ZC3H12B: variants seen among roughly 807,000 people sequenced by gnomAD.
ZC3H12B encodes the protein probable ribonuclease ZC3H12B.
ZC3H12B carries 7 observed loss-of-function variants against 43.9 expected under a neutral mutation model. The observed-to-expected ratio is 0.16, with a 90% CI of 0.09 to 0.30. ZC3H12B has a LOEUF of 0.30. ZC3H12B is among the 10% of genes least tolerant of loss of function. The pLI is 1.00. For synonymous variants in ZC3H12B, 222 were observed against 241.7 expected (o/e 0.92, Z 0.76); for missense variants, 475 against 670.2 (o/e 0.71, Z 3.22).
the ZC3H12B span, among the ~76,000 whole-genome samples, chrX:65,337,654 T>A: frequency 8.9e-6 from 1 of 112,836 alleles, no homozygotes. Flanking sequence ...TTTCAATATA[T>A]AATTTAAAAT....
the ZC3H12B span, among the ~76,000 whole-genome samples, chrX:65,220,037 TA>T: frequency 1.9e-4 from 21 of 111,225 alleles, no homozygotes; most frequent in African/African-American, 5.9e-4. Flanking sequence ...CTGAAAGGGA[TA>T]GGGGTCCGAT....
rs191579061 is a variant in ZC3H12B, at chrX:65,493,654, G to T, written c.609-3478G>T. ...AGAGAAAACAATTGCAGAGGGTGGG[G>T]CTAATGACCTATCTGCTAAGCTGAA... On this transcript the variant is annotated intron_variant, in intron 1 of 4. Transcript: ENST00000338957. 2.7e-4 allele frequency among the ~76,000 whole-genome samples: 30 copies of T among 111,467 alleles called. No individual in the cohort carries two copies. The Middle Eastern group carries it at 0.014, about 52-fold the overall frequency.
At chrX:65,232,510 A>G in the ZC3H12B span, among the ~76,000 whole-genome samples, 3 of 111,991 alleles carry the variant, frequency 2.7e-5, no homozygotes, top group African/African-American at 9.7e-5. Context: ...TTTCATTGTG[A>G]TCAAAGTTAT....
chrX:65,217,509 T>C, the ZC3H12B span, among the ~76,000 whole-genome samples: 3 of 111,880 alleles, frequency 2.7e-5, no homozygotes, highest in Non-Finnish European at 5.6e-5. Flanking sequence ...ATGTGACTTC[T>C]CGGACATGGA....
At chrX:65,490,379 GAAAAAAA>G (rs1032989325) in intron 1 of ZC3H12B, among the ~76,000 whole-genome samples, 11 of 54,996 alleles carry the variant, frequency 2.0e-4, no homozygotes, top group East Asian at 6.1e-4. Context: ...ACTGTTTCAG[GAAAAAAA>G]AAAAAAAAAA....
the ZC3H12B span, among the ~76,000 whole-genome samples, chrX:65,128,132 A>G: frequency 8.9e-6 from 1 of 112,339 alleles, no homozygotes; most frequent in Non-Finnish European, 1.9e-5. Context: ...CTATCCAAGT[A>G]GGAGCTGCAA....
At chrX:65,229,037 A>C in the ZC3H12B span, among the ~76,000 whole-genome samples, 1 of 111,055 alleles carries the variant, frequency 9.0e-6, no homozygotes, top group East Asian at 2.8e-4. Flanking sequence ...AAACTACTTT[A>C]AAGTTCATAT....
intron 3 of ZC3H12B, among the ~76,000 whole-genome samples, chrX:65,419,877 C>A (rs2066999587): frequency 9.0e-6 from 1 of 111,515 alleles, no homozygotes; most frequent in African/African-American, 3.3e-5. Context: ...CAGGCCAGTC[C>A]CAGTAGTCTC....
At chrX:65,159,974 G>A in the ZC3H12B span, among the ~76,000 whole-genome samples, 1 of 111,650 alleles carries the variant, frequency 9.0e-6, no homozygotes, top group African/African-American at 3.3e-5. Context: ...TAGCATGAAG[G>A]GCTGTTGAAT....
chrX:65,326,578 G>C, the ZC3H12B span, among the ~76,000 whole-genome samples: 1 of 109,036 alleles, frequency 9.2e-6, no homozygotes, highest in Non-Finnish European at 1.9e-5. Context: ...AAAAAAAAAA[G>C]ACCTAGTGTT....
chrX:65,410,295 C>G (rs7886005), intron 3 of ZC3H12B, among the ~76,000 whole-genome samples: 9,219 of 111,063 alleles, frequency 0.083, 1,030 homozygotes, highest in African/African-American at 0.29. Context: ...CTGCGTCTCA[C>G]CATGTACAAA....
chrX:65,423,184 G>A (rs746919313), intron 3 of ZC3H12B, among the ~76,000 whole-genome samples: 1 of 110,812 alleles, frequency 9.0e-6, no homozygotes, highest in African/African-American at 3.3e-5. Context: ...GCATGCCTCG[G>A]CCTCCCAAAG....
the ZC3H12B span, among the ~76,000 whole-genome samples, chrX:65,249,684 C>T: frequency 2.7e-5 from 3 of 111,109 alleles, no homozygotes; most frequent in Non-Finnish European, 5.7e-5. Context: ...TAGCCATCCA[C>T]GAGCATGGGA....
chrX:65,171,203 A>G, the ZC3H12B span, among the ~76,000 whole-genome samples: 2 of 111,025 alleles, frequency 1.8e-5, no homozygotes, highest in African/African-American at 6.6e-5. Context: ...ATGATGGTGA[A>G]GTACAGGTCG....
intron 3 of ZC3H12B, among the ~76,000 whole-genome samples, chrX:65,460,548 A>T (rs2067725331): frequency 8.9e-6 from 1 of 111,939 alleles, no homozygotes; most frequent in African/African-American, 3.3e-5. Context: ...CCTCAGAAAT[A>T]GTACCACATA....
the ZC3H12B span, among the ~76,000 whole-genome samples, chrX:65,077,590 C>T: frequency 8.9e-6 from 1 of 112,319 alleles, no homozygotes; most frequent in Non-Finnish European, 1.9e-5. Flanking sequence ...TTTCCAGGAG[C>T]TTTGCAGCTG....
At chrX:65,110,179 A>G in the ZC3H12B span, among the ~76,000 whole-genome samples, 1 of 110,649 alleles carries the variant, frequency 9.0e-6, no homozygotes, top group Non-Finnish European at 1.9e-5. Context: ...TTTTGAGACT[A>G]CATTCTAGAT....
the ZC3H12B span, among the ~76,000 whole-genome samples, chrX:65,242,500 G>T: frequency 2.7e-5 from 3 of 112,027 alleles, no homozygotes; most frequent in African/African-American, 9.7e-5. Flanking sequence ...ACATAAAAAT[G>T]GAAATATTCT....
the ZC3H12B span, among the ~76,000 whole-genome samples, chrX:65,175,387 CAT>C: frequency 1.8e-5 from 2 of 112,014 alleles, no homozygotes; most frequent in African/African-American, 6.5e-5. Context: ...AAATTTCCCC[CAT>C]GTCATGAAAT....
Sources: gnomAD v4.1 joint callset for allele counts (sites outside exome capture counted in the v4.1 genomes callset) on GRCh38, gnomAD v4.1.1 for gene constraint, MANE v1.5 for transcripts, NCBI Gene and HGNC (gene_info 2026-07-23, HGNC 2026-07-21) for gene names.